The following TTC27 variants were observed in gnomAD, a reference collection of about 807,000 sequenced individuals.
TTC27 encodes tetratricopeptide repeat domain 27.
In TTC27, 79 loss-of-function variants were observed where a neutral mutation model predicts 115.9. That is an observed-to-expected ratio of 0.68 (90% CI 0.57 to 0.82). The LOEUF (loss-of-function observed/expected upper bound fraction) is 0.82. TTC27 is among the 40% of genes least tolerant of loss of function. The probability of loss-of-function intolerance (pLI) is 0.00; values close to 1 mark genes in which losing one functional copy is unlikely to be tolerated. For synonymous variants in TTC27, 401 were observed against 356.0 expected (o/e 1.13, Z -1.42); for missense variants, 1,054 against 993.1 (o/e 1.06, Z -0.82).
At chr2:32,702,014 A>ACAAAAAC (rs201450708) in intron 9 of TTC27, among the ~76,000 whole-genome samples, 23,560 of 121,446 alleles carry the variant, frequency 0.19, 2,323 homozygotes, top group South Asian at 0.45. Flanking sequence ...CTGTCTCAAA[A>ACAAAAAC]AAAAAAAAAA....
chr2:32,760,596 G>T (rs1008805189), intron 13 of TTC27, among the ~76,000 whole-genome samples: 2 of 152,012 alleles, frequency 1.3e-5, no homozygotes, highest in Non-Finnish European at 2.9e-5. Context: ...GCGGGGAGGG[G>T]TTGGTTTTTG....
At chr2:32,629,676 T>A (rs1664091055) in intron 1 of TTC27, among the ~76,000 whole-genome samples, 1 of 151,792 alleles carries the variant, frequency 6.6e-6, no homozygotes, top group Non-Finnish European at 1.5e-5. Context: ...CCTGACGTCG[T>A]GATCCACCCA....
At chr2:32,696,310 G>C (rs1303641876) in intron 9 of TTC27, among the ~76,000 whole-genome samples, 3 of 149,386 alleles carry the variant, frequency 2.0e-5, no homozygotes, top group African/African-American at 7.4e-5. Context: ...TATTTTTTGA[G>C]ACAGAGTCTC....
At chr2:32,640,577 A>C (rs774475401) in intron 4 of TTC27, among the ~76,000 whole-genome samples, 167 bp downstream of exon 4, 4 of 152,214 alleles carry the variant, frequency 2.6e-5, no homozygotes, top group Non-Finnish European at 5.9e-5. Flanking sequence ...TTCTTCCCTC[A>C]TGAGATTGAT....
intron 16 of TTC27, among the ~76,000 whole-genome samples, chr2:32,791,906 A>T (rs1416918368): frequency 3.3e-5 from 5 of 152,142 alleles, no homozygotes; most frequent in Non-Finnish European, 7.4e-5. Context: ...ACAAAATAAA[A>T]AAATAATTTG....
intron 3 of TTC27, among the ~76,000 whole-genome samples, chr2:32,634,498 A>C (rs1664337993): frequency 6.6e-6 from 1 of 151,656 alleles, no homozygotes; most frequent in Non-Finnish European, 1.5e-5. Context: ...CATGTTGCCC[A>C]GGCTGGTCTG....
intron 3 of TTC27, among the ~76,000 whole-genome samples, chr2:32,634,566 G>C (rs986598612): frequency 2.6e-5 from 4 of 151,534 alleles, no homozygotes; most frequent in Admixed American, 1.3e-4. Context: ...TAGGATTATA[G>C]GTGTGAGCGC....
intron 16 of TTC27, among the ~76,000 whole-genome samples, chr2:32,796,789 C>G (rs1670715813): frequency 6.6e-6 from 1 of 152,106 alleles, no homozygotes; most frequent in African/African-American, 2.4e-5. Context: ...GTGGAACTGG[C>G]ATAAAGACAG....
intron 13 of TTC27, among the ~76,000 whole-genome samples, chr2:32,769,188 C>G (rs972121178): frequency 6.6e-6 from 1 of 152,132 alleles, no homozygotes; most frequent in African/African-American, 2.4e-5. Context: ...ATAAATGGCA[C>G]CAGTGAAACA....
Position 32,667,936 on chromosome 2 carries a change from C to T in TTC27, c.939+1168C>T, listed in dbSNP as rs186856934. 2.1e-3 allele frequency among the ~76,000 whole-genome samples: 325 copies of T among 151,624 alleles called. 1 individual carries two copies. Among genetic ancestry groups the T allele is most frequent in the African/African-American group, 7.4e-3 (306 of 41,446 alleles). On this transcript the variant is annotated intron_variant, in intron 7 of 19. Transcript: ENST00000317907. ...AGGTGCAGTGGCTCACGCCTGTAAT[C>T]CCAGCACTTTGGGAGGCCAAGGTGG...
intron 13 of TTC27, among the ~76,000 whole-genome samples, chr2:32,776,696 C>T (rs1454591669): frequency 6.6e-6 from 1 of 152,140 alleles, no homozygotes; most frequent in Non-Finnish European, 1.5e-5. Flanking sequence ...GCAGCCTCCA[C>T]CTCCTAGGTT....
chr2:32,728,018 C>T (rs1668165171), intron 10 of TTC27, among the ~76,000 whole-genome samples: 1 of 149,430 alleles, frequency 6.7e-6, no homozygotes, highest in African/African-American at 2.4e-5. Flanking sequence ...GCCATCTGGG[C>T]CTCCTGAGAG....
intron 10 of TTC27, among the ~76,000 whole-genome samples, chr2:32,732,334 C>G (rs1009781618): frequency 6.6e-6 from 1 of 152,332 alleles, no homozygotes; most frequent in Non-Finnish European, 1.5e-5. Context: ...TCAGTTTGCT[C>G]TGACTGACTT....
chr2:32,775,145 G>A (rs933353671), intron 13 of TTC27, among the ~76,000 whole-genome samples: 1 of 152,192 alleles, frequency 6.6e-6, no homozygotes, highest in Non-Finnish European at 1.5e-5. Flanking sequence ...AATCTTCTTA[G>A]ATGGATTTAA....
intron 19 of TTC27, among the ~76,000 whole-genome samples, chr2:32,819,602 T>C (rs1671614413): frequency 6.6e-6 from 1 of 152,220 alleles, no homozygotes; most frequent in South Asian, 2.1e-4. Context: ...GGTCTTTTCT[T>C]GCCAGGCCAG....
chr2:32,786,538 A>G (rs1470980809), intron 15 of TTC27, among the ~76,000 whole-genome samples: 1 of 151,800 alleles, frequency 6.6e-6, no homozygotes, highest in Non-Finnish European at 1.5e-5. Context: ...GGTTTGCAGC[A>G]TTTTGGTTGC....
chr2:32,812,700 C>T, intron 18 of TTC27, 85 bp downstream of exon 18: 1 of 1,002,890 alleles, frequency 1.0e-6, no homozygotes, highest in East Asian at 2.5e-5. Flanking sequence ...AAGTAAAGTT[C>T]CATTATAAAT....
intron 4 of TTC27, among the ~76,000 whole-genome samples, chr2:32,643,253 T>C (rs1664723864): frequency 6.6e-6 from 1 of 152,222 alleles, no homozygotes; most frequent in African/African-American, 2.4e-5. Context: ...TAAGTTGATC[T>C]GAGTTAAATG....
At chr2:32,806,676 G>A (rs1383893886) in intron 16 of TTC27, among the ~76,000 whole-genome samples, 1 of 152,018 alleles carries the variant, frequency 6.6e-6, no homozygotes, top group Non-Finnish European at 1.5e-5. Context: ...CAGCTACTCG[G>A]GAGGCTGAGG....
Sources: allele counts gnomAD v4.1 joint callset (sites outside exome capture counted in the v4.1 genomes callset), GRCh38; gene constraint gnomAD v4.1.1; transcripts MANE v1.5; gene names NCBI Gene and HGNC (gene_info 2026-07-23, HGNC 2026-07-21).